SPATA6: variants seen among roughly 807,000 people sequenced by gnomAD.
SPATA6 encodes the protein spermatogenesis-associated protein 6.
A neutral mutation model predicts 65.3 loss-of-function variants in SPATA6; 56 were observed. The ratio of observed to expected loss-of-function variants is 0.86; its 90% CI spans 0.69 to 1.07. SPATA6 has a LOEUF of 1.07. Among genes scored for constraint, SPATA6 ranks in the 50% least tolerant of loss-of-function variants. The probability of loss-of-function intolerance (pLI) is 0.00; values close to 1 mark genes in which losing one functional copy is unlikely to be tolerated. For missense variants in SPATA6, 590 were observed against 594.8 expected (o/e 0.99, Z 0.08); for synonymous variants, 199 against 213.2 (o/e 0.93, Z 0.58).
intron 9 of SPATA6, 53 bp from the exon 10 acceptor site, chr1:48,359,823 A>C: frequency 7.5e-7 from 1 of 1,329,912 alleles, no homozygotes; most frequent in Non-Finnish European, 1.0e-6. Context: ...ACATATGTAT[A>C]TAACATATTA....
intron 3 of SPATA6, among the ~76,000 whole-genome samples, chr1:48,432,664 C>T (rs1288411364): frequency 6.6e-6 from 1 of 152,060 alleles, no homozygotes; most frequent in Admixed American, 6.6e-5. Flanking sequence ...AAATTGGAAT[C>T]CTTGTGCAGT....
chr1:48,342,582 C>G (rs758876686), intron 11 of SPATA6, among the ~76,000 whole-genome samples: 3 of 149,316 alleles, frequency 2.0e-5, no homozygotes, highest in African/African-American at 2.5e-5. Context: ...TGCCACTGTA[C>G]TCCAGCCTGG....
intron 10 of SPATA6, among the ~76,000 whole-genome samples, chr1:48,358,165 T>C (rs568675102): frequency 1.3e-5 from 2 of 152,180 alleles, no homozygotes; most frequent in Admixed American, 1.3e-4. Context: ...AATTTTTGAA[T>C]ATAGCCTCAA....
At chr1:48,449,451 A>G (rs1160337661) in intron 3 of SPATA6, among the ~76,000 whole-genome samples, 1 of 152,234 alleles carries the variant, frequency 6.6e-6, no homozygotes, top group Admixed American at 6.5e-5. Context: ...CCAGAATCTA[A>G]TCAAACCTCT....
intron 3 of SPATA6, among the ~76,000 whole-genome samples, chr1:48,425,701 A>G (rs1653772290): frequency 6.6e-6 from 1 of 152,198 alleles, no homozygotes; most frequent in Admixed American, 6.5e-5. Flanking sequence ...CAAAATAAAC[A>G]CTATGAAGCA....
At chr1:48,347,750 A>G (rs1373905946) in intron 11 of SPATA6, among the ~76,000 whole-genome samples, 1 of 151,804 alleles carries the variant, frequency 6.6e-6, no homozygotes, top group Non-Finnish European at 1.5e-5. Flanking sequence ...TGTGAAACCT[A>G]AAGAACTTTT....
chr1:48,439,575 T>G (rs1655272022), intron 3 of SPATA6, among the ~76,000 whole-genome samples: 1 of 152,006 alleles, frequency 6.6e-6, no homozygotes, highest in African/African-American at 2.4e-5. Context: ...TGCTGCTGCA[T>G]CGGTGAGCAC....
At position 48,427,138 on chromosome 1, in the gene SPATA6, G is replaced by C. The variant is rs186693524; in HGVS notation, c.239-13987C>G. Among the ~76,000 whole-genome samples the C allele has an allele frequency of 3.3e-5, 5 of 151,980 alleles. No individual in the cohort carries two copies. In the East Asian group the frequency reaches 9.7e-4, roughly 29 times the overall value. ...GATGGGGGTCTCACTATGTTGCCCA[G>C]GCTGATCTTCAACTCCCAGCCTCAA... On this transcript the variant is annotated intron_variant, in intron 3 of 12. Transcript: ENST00000371847.
chr1:48,291,953 C>T (rs547337334), downstream of SPATA6, among the ~76,000 whole-genome samples: 9 of 152,190 alleles, frequency 5.9e-5, no homozygotes, highest in Non-Finnish European at 1.2e-4. Flanking sequence ...TCATTTTGTC[C>T]CCGCTTTCCT....
At chr1:48,301,529 C>A (rs547099614) in intron 12 of SPATA6, among the ~76,000 whole-genome samples, 2 of 151,152 alleles carry the variant, frequency 1.3e-5, no homozygotes, top group African/African-American at 4.9e-5. Flanking sequence ...TTATTTGGAA[C>A]CACACACACA....
chr1:48,362,703 G>T (rs951995566), intron 9 of SPATA6, among the ~76,000 whole-genome samples: 1 of 152,066 alleles, frequency 6.6e-6, no homozygotes, highest in South Asian at 2.1e-4. Flanking sequence ...TCTTAATGGT[G>T]CAGGTCTCAC....
intron 9 of SPATA6, among the ~76,000 whole-genome samples, chr1:48,374,312 A>AT (rs941670323): frequency 1.3e-4 from 16 of 127,854 alleles, no homozygotes; most frequent in African/African-American, 4.8e-4. Flanking sequence ...GTAATTTTAT[A>AT]AAAAAAAAAA....
intron 3 of SPATA6, among the ~76,000 whole-genome samples, chr1:48,442,999 C>G (rs1360455243): frequency 6.6e-6 from 1 of 152,162 alleles, no homozygotes; most frequent in Non-Finnish European, 1.5e-5. Flanking sequence ...CTAGAAGGAA[C>G]TCCCTTCAGG....
intron 8 of SPATA6, among the ~76,000 whole-genome samples, chr1:48,385,839 C>T (rs1401615841): frequency 1.3e-5 from 2 of 152,140 alleles, no homozygotes; most frequent in African/African-American, 2.4e-5. Context: ...ATTATACATT[C>T]CAGGCCCAAG....
At chr1:48,395,910 A>G (rs544699962) in intron 7 of SPATA6, among the ~76,000 whole-genome samples, 2 of 152,010 alleles carry the variant, frequency 1.3e-5, no homozygotes, top group African/African-American at 2.4e-5. Context: ...TCAAAAAATA[A>G]TATCAACAGA....
intron 3 of SPATA6, among the ~76,000 whole-genome samples, chr1:48,423,564 CTTT>C (rs781669150): frequency 4.4e-4 from 53 of 121,036 alleles, no homozygotes; most frequent in Admixed American, 6.7e-4. Flanking sequence ...TTCTTTCTTT[CTTT>C]TTTTTTTTTT....
chr1:48,320,596 G>A (rs1160136845), intron 11 of SPATA6, among the ~76,000 whole-genome samples: 1 of 152,196 alleles, frequency 6.6e-6, no homozygotes, highest in Non-Finnish European at 1.5e-5. Context: ...CAGCAGACCT[G>A]TCCTATGAGA....
chr1:48,341,043 G>A (rs140519019), intron 11 of SPATA6, among the ~76,000 whole-genome samples: 1 of 152,256 alleles, frequency 6.6e-6, no homozygotes, highest in African/African-American at 2.4e-5. Context: ...CACACCCTGT[G>A]GAACACTAGT....
At chr1:48,410,499 A>G (rs1652114844) in intron 5 of SPATA6, among the ~76,000 whole-genome samples, 1 of 152,196 alleles carries the variant, frequency 6.6e-6, no homozygotes, top group Admixed American at 6.5e-5. Context: ...GGTATCTTAT[A>G]GCAATGCCAC....
Sources: gnomAD v4.1 joint callset for allele counts (sites outside exome capture counted in the v4.1 genomes callset) on GRCh38, gnomAD v4.1.1 for gene constraint, MANE v1.5 for transcripts, NCBI Gene and HGNC (gene_info 2026-07-23, HGNC 2026-07-21) for gene names.